The following RNF17 variants were observed in gnomAD, a reference collection of about 807,000 sequenced individuals.
RNF17 encodes ring finger protein 17.
A neutral mutation model predicts 200.5 loss-of-function variants in RNF17; 31 were observed. The observed-to-expected ratio is 0.15, with a 90% CI of 0.12 to 0.21. The LOEUF (loss-of-function observed/expected upper bound fraction) is 0.21, where lower values mean the gene tolerates loss of function less well. Ranked by LOEUF, RNF17 falls within the 10% of genes least tolerant of loss-of-function variation. RNF17 has a pLI of 1.00. For missense variants in RNF17, 1,628 were observed against 1,905.1 expected (o/e 0.85, Z 2.71); for synonymous variants, 606 against 637.8 (o/e 0.95, Z 0.75).
At chr13:24,753,246 TGAA>T in the RNF17 span, among the ~76,000 whole-genome samples, 3 of 152,222 alleles carry the variant, frequency 2.0e-5, no homozygotes, top group Admixed American at 2.0e-4. Context: ...AATTTTCATG[TGAA>T]GAAGAATAGG....
intron 2 of RNF17, among the ~76,000 whole-genome samples, chr13:24,773,061 T>C (rs928596168): frequency 2.0e-5 from 3 of 152,146 alleles, no homozygotes; most frequent in Non-Finnish European, 4.4e-5. Flanking sequence ...AACTAACAGA[T>C]GTTGTCAAGG....
intron 15 of RNF17, among the ~76,000 whole-genome samples, chr13:24,810,010 T>C (rs1330617475): frequency 6.6e-6 from 1 of 152,166 alleles, no homozygotes; most frequent in African/African-American, 2.4e-5. Flanking sequence ...GAGAGATAGT[T>C]TGTTATAATT....
chr13:24,824,229 T>C, intron 15 of RNF17: 1 of 713,820 alleles, frequency 1.4e-6, no homozygotes, highest in Non-Finnish European at 2.6e-6. Flanking sequence ...TGAGACACTT[T>C]CTCATTTTTT....
At chr13:24,827,713 A>AAAAAAAAAAAAAAG (rs1888867565) in intron 16 of RNF17, among the ~76,000 whole-genome samples, 1 of 101,472 alleles carries the variant, frequency 9.9e-6, no homozygotes, top group African/African-American at 4.5e-5. Flanking sequence ...AAAAAAAAAA[A>AAAAAAAAAAAAAAG]AAAACAAAAA....
downstream of RNF17, chr13:24,884,404 C>T (rs568613890): frequency 1.5e-5 from 25 of 1,614,098 alleles, no homozygotes; most frequent in African/African-American, 2.7e-4. Context: ...CACTCACTTC[C>T]TTTCGAGTTC....
At position 24,870,513 on chromosome 13, in the gene RNF17, T is replaced by TA. The variant is rs113750066; in HGVS notation, c.4279-57dup. On this transcript the variant is annotated intron_variant, in intron 31 of 35. Transcript: ENST00000255324. Reference sequence around the variant, plus strand: ...GTCTGCTACAGTAATTTTGTCCACATACGTGAATTCTTGACATTCCAGAAT... The same window carrying TA: ...GTCTGCTACAGTAATTTTGTCCACATAACGTGAATTCTTGACATTCCAGAAT... The TA allele has an allele frequency of 0.013, 19,936 of 1,496,430 alleles. 2,150 individuals are homozygous for TA. In the African/African-American group the frequency reaches 0.24, roughly 18 times the overall value. The allele number at this position is 1,496,430 out of a possible 1,614,324, so 92.7% of individuals were successfully genotyped here. A position where few individuals can be genotyped will look rare whatever the true frequency, so the allele number is the denominator to read the frequency against.
chr13:24,792,851 T>G (rs1884043755), intron 9 of RNF17, among the ~76,000 whole-genome samples, 191 bp from the exon 10 acceptor site: 1 of 152,134 alleles, frequency 6.6e-6, no homozygotes, highest in African/African-American at 2.4e-5. Context: ...CTAAAAACTG[T>G]CTGGATATGT....
rs1408300945 is a variant in RNF17 at position 24,843,827 on chromosome 13, A to G, written c.2687A>G (p.Asn896Ser). The change falls in exon 20 of 36, where the codon AAC becomes AGC. Residue 896 changes from asparagine (N) to serine (S), a missense_variant. Around this residue, in one of 5 missense-constraint regions of RNF17, gnomAD observed 227 missense variants for 319.8 expected, o/e 0.71. Coordinates refer to ENST00000255324, the MANE Select transcript of RNF17 (RefSeq NM_031277.3). ...GAAATTATTTCAAATGAAGTACACA[A>G]CTTAAATCCTGTGTCTGCAAAATCT... ...PEEIISNEVH[N>S]LNPVSAKSLP... 1.2e-6 allele frequency: 2 copies of G among 1,610,428 alleles called. No individual in the cohort carries two copies. Among genetic ancestry groups the G allele is most frequent in the Non-Finnish European group, 1.7e-6 (2 of 1,177,494 alleles).
chr13:24,879,065 G>A, intron 34 of RNF17, 122 bp from the exon 35 acceptor site: 1 of 654,358 alleles, frequency 1.5e-6, no homozygotes, highest in South Asian at 1.9e-5. Flanking sequence ...GAAGCATAGA[G>A]CATAAATTAT....
At chr13:24,810,020 T>C (rs1285997867) in intron 15 of RNF17, among the ~76,000 whole-genome samples, 1 of 152,062 alleles carries the variant, frequency 6.6e-6, no homozygotes, top group East Asian at 1.9e-4. Context: ...TTGTTATAAT[T>C]TCTGTTCTTT....
At chr13:24,804,217 A>G (rs1297929684) in intron 14 of RNF17, 71 bp from the exon 15 acceptor site, 2 of 1,400,656 alleles carry the variant, frequency 1.4e-6, no homozygotes, top group Non-Finnish European at 2.0e-6. Flanking sequence ...GAGCCATGAT[A>G]GCACCACTGC....
intron 32 of RNF17, among the ~76,000 whole-genome samples, chr13:24,873,661 A>G (rs1001453087): frequency 6.6e-6 from 1 of 152,258 alleles, no homozygotes; most frequent in South Asian, 2.1e-4. Context: ...TTCCAACTAT[A>G]TGTTTGTACC....
At chr13:24,799,941 G>T (rs948480866) in intron 12 of RNF17, among the ~76,000 whole-genome samples, 13 of 152,094 alleles carry the variant, frequency 8.5e-5, no homozygotes, top group African/African-American at 9.7e-5. Flanking sequence ...TTTTCAAAGT[G>T]TCATACTGTC....
intron 19 of RNF17, 23 bp from the exon 20 acceptor site, chr13:24,843,721 C>A: frequency 7.1e-7 from 1 of 1,400,436 alleles, no homozygotes; most frequent in Non-Finnish European, 1.0e-6. Context: ...CAGTTCTTTT[C>A]ATTAACTTTT....
intron 25 of RNF17, among the ~76,000 whole-genome samples, chr13:24,858,376 C>T (rs1226125844): frequency 6.6e-6 from 1 of 152,050 alleles, no homozygotes; most frequent in Non-Finnish European, 1.5e-5. Flanking sequence ...TACATTTAAT[C>T]CTCCTGCAGC....
chr13:24,784,016 T>C (rs1388790667), intron 6 of RNF17, among the ~76,000 whole-genome samples: 1 of 152,188 alleles, frequency 6.6e-6, no homozygotes, highest in Non-Finnish European at 1.5e-5. Context: ...TTTTTCCATA[T>C]AGGGTCTTTA....
intron 7 of RNF17, 60 bp from the exon 8 acceptor site, chr13:24,789,288 A>T (rs2137623093): frequency 1.8e-6 from 2 of 1,086,758 alleles, no homozygotes; most frequent in Non-Finnish European, 2.8e-6. Flanking sequence ...CTAAAATCTT[A>T]CTGTTCAGCA....
chr13:24,778,691 A>G (rs1894041192), intron 4 of RNF17, among the ~76,000 whole-genome samples: 1 of 152,198 alleles, frequency 6.6e-6, no homozygotes, highest in East Asian at 1.9e-4. Flanking sequence ...GTTCTGTGAA[A>G]CATGTAAAGC....
chr13:24,837,094 CAAACTT>C (rs913125433), intron 18 of RNF17, among the ~76,000 whole-genome samples: 51 of 152,092 alleles, frequency 3.4e-4, no homozygotes, highest in Admixed American at 2.6e-3. Flanking sequence ...TCAGACAAAA[CAAACTT>C]AAAGCAACAG....
Sources: gnomAD v4.1 joint callset for allele counts (sites outside exome capture counted in the v4.1 genomes callset) on GRCh38, gnomAD v4.1.1 for gene constraint, gnomAD v4.1.1 regional missense constraint, MANE v1.5 for transcripts, NCBI Gene and HGNC (gene_info 2026-07-23, HGNC 2026-07-21) for gene names.